The following CCDC73 variants were observed in gnomAD, a reference collection of about 807,000 sequenced individuals.
The protein encoded by CCDC73 is coiled-coil domain-containing protein 73.
A neutral mutation model predicts 116.5 loss-of-function variants in CCDC73; 95 were observed. The observed-to-expected ratio is 0.82, with a 90% CI of 0.69 to 0.97. The LOEUF (loss-of-function observed/expected upper bound fraction) is 0.97. Ranked by LOEUF, CCDC73 falls within the 50% of genes least tolerant of loss-of-function variation. The pLI is 0.00. For missense variants in CCDC73, 1,066 were observed against 1,206.8 expected (o/e 0.88, Z 1.73); for synonymous variants, 398 against 401.3 (o/e 0.99, Z 0.10).
intron 1 of CCDC73, among the ~76,000 whole-genome samples, chr11:32,781,671 G>A (rs948276861): frequency 1.3e-5 from 2 of 152,200 alleles, no homozygotes; most frequent in African/African-American, 4.8e-5. Flanking sequence ...GGTTTATTGG[G>A]ATACCAGGTG....
chr11:32,739,464 A>C (rs1850164464), intron 2 of CCDC73, among the ~76,000 whole-genome samples: 1 of 152,040 alleles, frequency 6.6e-6, no homozygotes, highest in South Asian at 2.1e-4. Context: ...AGCTATTGTA[A>C]ATGAGATTAC....
rs149341611 is a variant in CCDC73 at position 32,701,569 on chromosome 11, C to G, written c.280-743G>C. ...TTTAAAAAAAAATTTTTTTAAGCAC[C>G]TGTAGTCCCAGCTACTTGGGAGGCG... On this transcript the variant is annotated intron_variant, in intron 4 of 17. Coordinates refer to ENST00000335185, the MANE Select transcript of CCDC73 (RefSeq NM_001008391.4). 7.1e-3 allele frequency among the ~76,000 whole-genome samples: 1,087 copies of G among 152,124 alleles called. 17 individuals are homozygous for G. The highest frequency in any genetic ancestry group is 0.025 in the African/African-American group (1,048 of 41,506).
intron 1 of CCDC73, among the ~76,000 whole-genome samples, chr11:32,784,275 G>A (rs1487616594): frequency 2.0e-5 from 3 of 151,620 alleles, no homozygotes; most frequent in Non-Finnish European, 4.4e-5. Flanking sequence ...GTTTTGGTGA[G>A]CCAAGATCGC....
intron 17 of CCDC73, among the ~76,000 whole-genome samples, chr11:32,608,152 C>T (rs1317143639): frequency 6.6e-6 from 1 of 152,008 alleles, no homozygotes; most frequent in Admixed American, 6.6e-5. Context: ...GCCCCTGGCC[C>T]CTCCCAAATC....
At chr11:32,797,737 G>A (rs973575727), upstream of CCDC73, among the ~76,000 whole-genome samples, 1 of 152,102 alleles carries the variant, frequency 6.6e-6, no homozygotes. Context: ...ACACAGCACA[G>A]TGCTTAAGAG....
chr11:32,672,547 A>G (rs937361557), intron 9 of CCDC73, among the ~76,000 whole-genome samples: 3 of 152,216 alleles, frequency 2.0e-5, no homozygotes, highest in African/African-American at 7.2e-5. Flanking sequence ...TAACACATAA[A>G]TGAACCAAAG....
chr11:32,809,396 G>A, the CCDC73 span, among the ~76,000 whole-genome samples: 1 of 152,168 alleles, frequency 6.6e-6, no homozygotes, highest in Non-Finnish European at 1.5e-5. Flanking sequence ...TAGAGGAAGA[G>A]TCTGGTTAGG....
chr11:32,769,628 G>C (rs980328199), intron 1 of CCDC73, among the ~76,000 whole-genome samples: 10 of 152,244 alleles, frequency 6.6e-5, no homozygotes, highest in African/African-American at 1.9e-4. Flanking sequence ...AGACACAAAA[G>C]GAGCATTTCA....
the CCDC73 span, among the ~76,000 whole-genome samples, chr11:32,804,592 C>G: frequency 6.6e-6 from 1 of 152,184 alleles, no homozygotes; most frequent in South Asian, 2.1e-4. Flanking sequence ...AAATACTGAA[C>G]TATTCCTTTG....
chr11:32,706,388 C>CA (rs891058060), intron 3 of CCDC73, among the ~76,000 whole-genome samples: 22 of 151,534 alleles, frequency 1.5e-4, no homozygotes, highest in South Asian at 1.0e-3. Context: ...TCTACATCTT[C>CA]AAAAAAAAGG....
chr11:32,636,584 A>G (rs542510543), intron 13 of CCDC73, among the ~76,000 whole-genome samples: 1 of 152,242 alleles, frequency 6.6e-6, no homozygotes, highest in South Asian at 2.1e-4. Flanking sequence ...AGTTTCTTAT[A>G]AAAGTTTCTC....
the CCDC73 span, among the ~76,000 whole-genome samples, chr11:32,830,341 A>C: frequency 6.6e-6 from 1 of 152,188 alleles, no homozygotes; most frequent in Non-Finnish European, 1.5e-5. Flanking sequence ...AGGCGCTCTC[A>C]GGGGCTGCTT....
At chr11:32,678,619 C>T (rs1856113532) in intron 7 of CCDC73, among the ~76,000 whole-genome samples, 1 of 152,018 alleles carries the variant, frequency 6.6e-6, no homozygotes, top group African/African-American at 2.4e-5. Context: ...GTCATGGTGG[C>T]TCACGTCTGT....
the CCDC73 span, among the ~76,000 whole-genome samples, chr11:32,805,852 G>A: frequency 6.6e-6 from 1 of 152,232 alleles, no homozygotes; most frequent in South Asian, 2.1e-4. Context: ...CTCAACTGGA[G>A]CTGACCAGTC....
At chr11:32,675,416 T>C (rs1856077091) in intron 9 of CCDC73, 149 bp downstream of exon 9, 2 of 535,446 alleles carry the variant, frequency 3.7e-6, no homozygotes, top group African/African-American at 4.0e-5. Flanking sequence ...TTACCTTTAC[T>C]GGAATCATAA....
chr11:32,651,570 T>C (rs7927992), intron 12 of CCDC73, among the ~76,000 whole-genome samples: 1 of 152,154 alleles, frequency 6.6e-6, no homozygotes, highest in Non-Finnish European at 1.5e-5. Flanking sequence ...GAACCAGTCC[T>C]GGGAGGTAGT....
chr11:32,714,255 C>G (rs1849925401), intron 3 of CCDC73, among the ~76,000 whole-genome samples: 1 of 152,102 alleles, frequency 6.6e-6, no homozygotes, highest in African/African-American at 2.4e-5. Context: ...TAACTCATAA[C>G]ACCATGAAGT....
At chr11:32,711,810 T>C (rs890218596) in intron 3 of CCDC73, among the ~76,000 whole-genome samples, 5 of 152,148 alleles carry the variant, frequency 3.3e-5, no homozygotes, top group African/African-American at 1.2e-4. Context: ...GGTCTTCCGA[T>C]TGTCATAAAG....
intron 3 of CCDC73, 91 bp from the exon 4 acceptor site, chr11:32,703,035 C>T (rs933262809): frequency 4.7e-6 from 4 of 847,910 alleles, no homozygotes; most frequent in South Asian, 2.7e-5. Flanking sequence ...TTAAAGTCAA[C>T]CATACCTTCT....
Sources: gnomAD v4.1 joint callset for allele counts (sites outside exome capture counted in the v4.1 genomes callset) on GRCh38, gnomAD v4.1.1 for gene constraint, MANE v1.5 for transcripts, NCBI Gene and HGNC (gene_info 2026-07-23, HGNC 2026-07-21) for gene names.